Variants in DAAM1 observed in about 807,000 individuals in gnomAD.
The protein encoded by DAAM1 is disheveled-associated activator of morphogenesis 1.
Under a neutral mutation model 130.0 loss-of-function variants are expected in DAAM1, and 52 were observed. The observed-to-expected ratio is 0.40, with a 90% CI of 0.32 to 0.50. The LOEUF is 0.50. Ranked by LOEUF, DAAM1 falls within the 20% of genes least tolerant of loss-of-function variation. The pLI is 0.61. For synonymous variants in DAAM1, 452 were observed against 444.5 expected (o/e 1.02, Z -0.21); for missense variants, 1,134 against 1,303.8 (o/e 0.87, Z 2.01).
intron 2 of DAAM1, among the ~76,000 whole-genome samples, chr14:59,287,495 C>A (rs896247891): frequency 6.6e-6 from 1 of 152,118 alleles, no homozygotes; most frequent in Non-Finnish European, 1.5e-5. Flanking sequence ...CAAACTGTGT[C>A]TCTTTATGAT....
chr14:59,202,437 G>A (rs1210935133), intron 1 of DAAM1, among the ~76,000 whole-genome samples: 1 of 152,102 alleles, frequency 6.6e-6, no homozygotes, highest in African/African-American at 2.4e-5. Flanking sequence ...GATTTTTAGG[G>A]GAAAATATAC....
At chr14:59,267,518 T>C (rs1246395623) in intron 2 of DAAM1, among the ~76,000 whole-genome samples, 1 of 152,118 alleles carries the variant, frequency 6.6e-6, no homozygotes, top group Non-Finnish European at 1.5e-5. Context: ...CAAAAACAGC[T>C]TTATTGAGAA....
At chr14:59,238,978 C>G (rs1162318283) in intron 1 of DAAM1, among the ~76,000 whole-genome samples, 1 of 152,172 alleles carries the variant, frequency 6.6e-6, no homozygotes, top group Non-Finnish European at 1.5e-5. Flanking sequence ...AAAAGGACAG[C>G]ATGAATTTGT....
chr14:59,215,243 GAA>G (rs1888541231), intron 1 of DAAM1, among the ~76,000 whole-genome samples: 1 of 152,128 alleles, frequency 6.6e-6, no homozygotes, highest in African/African-American at 2.4e-5. Context: ...TCCCTGGAGA[GAA>G]AAAAGAAATA....
chr14:59,213,543 A>T (rs1352889655), intron 1 of DAAM1, among the ~76,000 whole-genome samples: 2 of 152,130 alleles, frequency 1.3e-5, no homozygotes, highest in Non-Finnish European at 2.9e-5. Flanking sequence ...AAACTAAAGG[A>T]GGATGTAAAC....
At chr14:59,237,165 G>A (rs1889330731) in intron 1 of DAAM1, among the ~76,000 whole-genome samples, 1 of 152,176 alleles carries the variant, frequency 6.6e-6, no homozygotes, top group Non-Finnish European at 1.5e-5. Flanking sequence ...AAGAGTGGTT[G>A]TCTTGATTAC....
At chr14:59,327,091 T>C in intron 12 of DAAM1, 100 bp downstream of exon 12, 1 of 1,337,570 alleles carries the variant, frequency 7.5e-7, no homozygotes, top group Non-Finnish European at 1.1e-6. Context: ...CTTGTTAGCT[T>C]GGTGCAGGCA....
intron 3 of DAAM1, among the ~76,000 whole-genome samples, chr14:59,304,597 A>G (rs1884305238): frequency 6.6e-6 from 1 of 152,182 alleles, no homozygotes; most frequent in Admixed American, 6.5e-5. Flanking sequence ...ACATAAGGAA[A>G]AGCATTTTGT....
intron 2 of DAAM1, among the ~76,000 whole-genome samples, chr14:59,285,849 T>C (rs1482485643): frequency 1.3e-5 from 2 of 152,044 alleles, no homozygotes; most frequent in Non-Finnish European, 2.9e-5. Context: ...CTACCAACAG[T>C]GTTAAACAGA....
chr14:59,327,982 C>G (rs1006391237), intron 12 of DAAM1, among the ~76,000 whole-genome samples: 2 of 152,204 alleles, frequency 1.3e-5, no homozygotes, highest in African/African-American at 4.8e-5. Flanking sequence ...AAGTTGGCCT[C>G]TTTGTGGAAA....
At chr14:59,311,803 C>T (rs897255063) in intron 3 of DAAM1, among the ~76,000 whole-genome samples, 2 of 152,200 alleles carry the variant, frequency 1.3e-5, no homozygotes, top group South Asian at 4.1e-4. Context: ...ATCCTCCCAC[C>T]TCAGCCTCCT....
intron 3 of DAAM1, among the ~76,000 whole-genome samples, chr14:59,296,772 T>G (rs961937012): frequency 6.6e-6 from 1 of 152,234 alleles, no homozygotes; most frequent in Non-Finnish European, 1.5e-5. Flanking sequence ...CTGTACACTT[T>G]CCTCTTTGAT....
intron 16 of DAAM1, among the ~76,000 whole-genome samples, chr14:59,345,121 C>T (rs1886019855): frequency 2.0e-5 from 3 of 152,282 alleles, no homozygotes; most frequent in African/African-American, 7.2e-5. Flanking sequence ...CTCTAGTGTC[C>T]TGGAGTCTAA....
intron 1 of DAAM1, among the ~76,000 whole-genome samples, chr14:59,246,034 A>C (rs1881352945): frequency 6.6e-6 from 1 of 152,190 alleles, no homozygotes; most frequent in Admixed American, 6.5e-5. Flanking sequence ...AGTGCATTGA[A>C]AGTGCCTAGC....
At chr14:59,307,630 T>C (rs1288674541) in intron 3 of DAAM1, among the ~76,000 whole-genome samples, 1 of 152,174 alleles carries the variant, frequency 6.6e-6, no homozygotes, top group Non-Finnish European at 1.5e-5. Context: ...GCTCAACTAG[T>C]CTTTCTACCT....
intron 18 of DAAM1, 82 bp from the exon 19 acceptor site, chr14:59,353,794 G>A: frequency 7.6e-7 from 1 of 1,322,676 alleles, no homozygotes; most frequent in Non-Finnish European, 1.1e-6. Context: ...GGTGCTTCTA[G>A]GTACCTCCAC....
At chr14:59,348,202 CA>C (rs2139662467) in intron 17 of DAAM1, among the ~76,000 whole-genome samples, 1 of 152,234 alleles carries the variant, frequency 6.6e-6, no homozygotes, top group African/African-American at 2.4e-5. Context: ...ATTTAAATGC[CA>C]GGGGTAGCAA....
chr14:59,203,158 A>ATT (rs57437992), intron 1 of DAAM1, among the ~76,000 whole-genome samples: 16 of 108,064 alleles, frequency 1.5e-4, no homozygotes, highest in African/African-American at 3.8e-4. Flanking sequence ...CTTCTGGCTA[A>ATT]TTTTTTTTTT....
chr14:59,206,577 A>C (rs1196343930), intron 1 of DAAM1, among the ~76,000 whole-genome samples: 1 of 152,240 alleles, frequency 6.6e-6, no homozygotes, highest in African/African-American at 2.4e-5. Context: ...GCCCGGCCAG[A>C]TATTTCATCT....
Sources: allele counts gnomAD v4.1 joint callset (sites outside exome capture counted in the v4.1 genomes callset), GRCh38; gene constraint gnomAD v4.1.1; transcripts MANE v1.5; gene names NCBI Gene and HGNC (gene_info 2026-07-23, HGNC 2026-07-21).